C16orf87: variants seen among roughly 807,000 people sequenced by gnomAD.
The protein encoded by C16orf87 is HDAC and MIER1 interacting protein 1.
Under a neutral mutation model 21.0 loss-of-function variants are expected in C16orf87, and 13 were observed. That is an observed-to-expected ratio of 0.62 (90% CI 0.40 to 0.98). The LOEUF (loss-of-function observed/expected upper bound fraction) is 0.98. Ranked by LOEUF, C16orf87 falls within the 50% of genes least tolerant of loss-of-function variation. The probability of loss-of-function intolerance (pLI) is 0.00; values close to 1 mark genes in which losing one functional copy is unlikely to be tolerated. For synonymous variants in C16orf87, 49 were observed against 60.2 expected, an observed-to-expected ratio of 0.81 and a Z score of 0.86; for missense variants, 113 against 180.4, an observed-to-expected ratio of 0.63 and a Z score of 2.14.
chr16:46,817,983 G>A (rs1959261491), intron 2 of C16orf87, among the ~76,000 whole-genome samples: 1 of 142,562 alleles, frequency 7.0e-6, no homozygotes, highest in African/African-American at 2.6e-5. Context: ...ATACAGGAAT[G>A]TACAGCACTT....
intron 3 of C16orf87, chr16:46,808,083 T>C (rs1021049859): frequency 6.6e-6 from 3 of 455,944 alleles, no homozygotes; most frequent in Non-Finnish European, 1.3e-5. Flanking sequence ...TGACTTTTCT[T>C]TACCTAGTTT....
At chr16:46,809,572 T>G in intron 3 of C16orf87, 31 bp downstream of exon 3, 1 of 1,538,700 alleles carries the variant, frequency 6.5e-7, no homozygotes, top group Non-Finnish European at 8.9e-7. Context: ...AATTTAATAC[T>G]TGAAAAAAAA....
chr16:46,826,683 C>T (rs993236915), intron 1 of C16orf87, among the ~76,000 whole-genome samples: 1 of 152,052 alleles, frequency 6.6e-6, no homozygotes, highest in Non-Finnish European at 1.5e-5. Flanking sequence ...AAAAAAAATG[C>T]TACATTTTTT....
At chr16:46,826,107 A>G (rs946623832) in intron 1 of C16orf87, among the ~76,000 whole-genome samples, 2 of 152,146 alleles carry the variant, frequency 1.3e-5, no homozygotes, top group Non-Finnish European at 2.9e-5. Flanking sequence ...ACTCCGGACA[A>G]GATATTTAAG....
At chr16:46,824,297 T>C in intron 2 of C16orf87, 89 bp downstream of exon 2, 1 of 677,330 alleles carries the variant, frequency 1.5e-6, no homozygotes, top group South Asian at 1.8e-5. Context: ...AACTTTTAAC[T>C]TCAACAAAAA....
At chr16:46,826,602 AT>A (rs1386224955) in intron 1 of C16orf87, among the ~76,000 whole-genome samples, 3 of 152,228 alleles carry the variant, frequency 2.0e-5, no homozygotes, top group African/African-American at 7.2e-5. Context: ...ATCAATAAAA[AT>A]AATCAAACTC....
intron 3 of C16orf87, among the ~76,000 whole-genome samples, chr16:46,806,163 T>C (rs1216675784): frequency 6.6e-6 from 1 of 152,062 alleles, no homozygotes. Flanking sequence ...AACTGTGTAA[T>C]AAAAATCAGT....
In C16orf87 at chr16:46,818,701, T is replaced by A. The variant is rs935088743; in HGVS notation, c.163+5685A>T. Among the ~76,000 whole-genome samples, 8 of 152,216 alleles carry A rather than the reference T, an allele frequency of 5.3e-5. 1 individual carries two copies. Among genetic ancestry groups the A allele is most frequent in the Admixed American group, 5.2e-4 (8 of 15,286 alleles). On this transcript the variant is annotated intron_variant, in intron 2 of 3. Transcript: ENST00000285697. Reference sequence around the variant, plus strand: ...TTTATAATTAAAATTTTCTTCTTTTTAAATTTGAGATAGAGTCTCACTCTG... The same window carrying A: ...TTTATAATTAAAATTTTCTTCTTTTAAAATTTGAGATAGAGTCTCACTCTG...
At chr16:46,804,361 T>C (rs1253933879) in intron 3 of C16orf87, among the ~76,000 whole-genome samples, 2 of 152,188 alleles carry the variant, frequency 1.3e-5, no homozygotes, top group East Asian at 1.9e-4. Flanking sequence ...AAAGATCCTT[T>C]CTTGGTTTAT....
chr16:46,822,580 C>A (rs1959459865), intron 2 of C16orf87, among the ~76,000 whole-genome samples: 1 of 152,184 alleles, frequency 6.6e-6, no homozygotes, highest in Admixed American at 6.5e-5. Context: ...GAAACAGTGA[C>A]AGAAATGGAA....
In C16orf87 at chr16:46,818,930, T is replaced by C. The variant is rs115290731; in HGVS notation, c.163+5456A>G. 2.7e-3 allele frequency among the ~76,000 whole-genome samples: 404 copies of C among 152,394 alleles called. 1 individual carries two copies. The highest frequency in any genetic ancestry group is 9.1e-3 in the African/African-American group (379 of 41,602). On this transcript the variant is annotated intron_variant, in intron 2 of 3. Transcript: ENST00000285697. ...CAGGAAATATCCTCTTCATAGGGCA[T>C]AGGCCAGGTAAATGACTTCGTAACT...
intron 3 of C16orf87, among the ~76,000 whole-genome samples, chr16:46,807,051 A>G (rs1327029411): frequency 6.6e-6 from 1 of 152,256 alleles, no homozygotes; most frequent in African/African-American, 2.4e-5. Context: ...TTCATGTTAG[A>G]TTGGTATAAA....
intron 3 of C16orf87, 143 bp from the exon 4 acceptor site, chr16:46,803,213 C>A (rs1429471894): frequency 7.0e-6 from 3 of 429,014 alleles, no homozygotes; most frequent in Admixed American, 4.2e-5. Context: ...TGCTACTGAA[C>A]TAAAAAGTTT....
At chr16:46,826,867 G>A (rs560875999) in intron 1 of C16orf87, among the ~76,000 whole-genome samples, 36 of 152,162 alleles carry the variant, frequency 2.4e-4, no homozygotes, top group Non-Finnish European at 1.2e-4. Context: ...ATACGCAAAT[G>A]CATGTTCTTA....
At chr16:46,813,011 CT>C (rs1246318399) in intron 2 of C16orf87, among the ~76,000 whole-genome samples, 1 of 152,128 alleles carries the variant, frequency 6.6e-6, no homozygotes, top group Admixed American at 6.5e-5. Flanking sequence ...CCCCTAGGTG[CT>C]TTCCCAATCT....
chr16:46,812,998 C>T (rs909076816), intron 2 of C16orf87, among the ~76,000 whole-genome samples: 2 of 152,148 alleles, frequency 1.3e-5, no homozygotes, highest in Admixed American at 6.5e-5. Flanking sequence ...GCTGTGTGCC[C>T]TTCCCCTAGG....
chr16:46,824,911 A>AC (rs1959557581), intron 1 of C16orf87, among the ~76,000 whole-genome samples: 1 of 151,996 alleles, frequency 6.6e-6, no homozygotes, highest in Non-Finnish European at 1.5e-5. Context: ...TGATCCGCCC[A>AC]CCTCAGCCTC....
chr16:46,830,993 C>A (rs1355253702), intron 1 of C16orf87, 91 bp downstream of exon 1: 9 of 1,008,628 alleles, frequency 8.9e-6, no homozygotes, highest in South Asian at 1.8e-5. Flanking sequence ...GCCCACCGCT[C>A]GGCCTCCGGG....
Position 46,831,179 on chromosome 16 carries a change from A to G in C16orf87, c.-30T>C, listed in dbSNP as rs1442721409. 3.9e-6 allele frequency: 6 copies of G among 1,543,274 alleles called. No individual in the cohort carries two copies. In the Admixed American group the frequency reaches 7.2e-5, roughly 19 times the overall value. Reference sequence around the variant, plus strand: ...CTCTCCCTTAGCGGCGGCAGCAGCGACGGCTCGGGCTCCTCCCCTCACACT... The same window carrying G: ...CTCTCCCTTAGCGGCGGCAGCAGCGGCGGCTCGGGCTCCTCCCCTCACACT... On this transcript the variant is annotated 5_prime_UTR_variant, in exon 1 of 4. Coordinates refer to ENST00000285697, the MANE Select transcript of C16orf87 (RefSeq NM_001001436.4).
Sources: allele counts gnomAD v4.1 joint callset (sites outside exome capture counted in the v4.1 genomes callset), GRCh38; gene constraint gnomAD v4.1.1; transcripts MANE v1.5; gene names NCBI Gene and HGNC (gene_info 2026-07-23, HGNC 2026-07-21).